ARNT: variants seen among roughly 807,000 people sequenced by gnomAD.
ARNT encodes aryl hydrocarbon receptor nuclear translocator, also known as class E basic helix-loop-helix protein 2.
Under a neutral mutation model 105.0 loss-of-function variants are expected in ARNT, and 30 were observed. The ratio of observed to expected loss-of-function variants is 0.29; its 90% confidence interval spans 0.21 to 0.39. The LOEUF (loss-of-function observed/expected upper bound fraction) is 0.39, where lower values mean the gene tolerates loss of function less well. Ranked by LOEUF, ARNT falls within the 10% of genes least tolerant of loss-of-function variation. The pLI is 1.00. For synonymous variants in ARNT, 304 were observed against 344.0 expected, an observed-to-expected ratio of 0.88 and a Z score of 1.29; for missense variants, 748 against 978.7, an observed-to-expected ratio of 0.76 and a Z score of 3.15.
At chr1:150,861,793 G>T (rs1465157115) in intron 1 of ARNT, among the ~76,000 whole-genome samples, 1 of 152,136 alleles carries the variant, frequency 6.6e-6, no homozygotes, top group Non-Finnish European at 1.5e-5. Flanking sequence ...TTCCATGTAG[G>T]GCTTTTCACC....
chr1:150,845,072 A>G (rs2102030348), intron 4 of ARNT, among the ~76,000 whole-genome samples: 1 of 152,124 alleles, frequency 6.6e-6, no homozygotes, highest in East Asian at 1.9e-4. Flanking sequence ...TGCCTCCCAA[A>G]GTGCTGGAAT....
rs1250729796 is a variant in ARNT at position 150,864,583 on chromosome 1, A to C, written c.26-6123T>G. Among the ~76,000 whole-genome samples the C allele has an allele frequency of 2.4e-4, 28 of 116,796 alleles. No homozygotes were observed. The South Asian group carries it at 6.3e-3, about 26-fold the overall frequency. 76.6% of individuals were successfully genotyped at this position (116,796 alleles called of 152,430 possible). On this transcript the variant is annotated intron_variant, in intron 1 of 21. Transcript: ENST00000358595. Reference sequence around the variant, plus strand: ...ACAATGAGATCACATGGACACAGGAAGGGGAATATCACACTCTGGGGACTG... The same window carrying C: ...ACAATGAGATCACATGGACACAGGACGGGGAATATCACACTCTGGGGACTG...
intron 6 of ARNT, among the ~76,000 whole-genome samples, chr1:150,839,061 C>G (rs1284332237): frequency 6.6e-6 from 1 of 152,162 alleles, no homozygotes; most frequent in Non-Finnish European, 1.5e-5. Flanking sequence ...CAGATTCATT[C>G]TATTACTAAA....
At position 150,813,047 on chromosome 1, in the gene ARNT, C is replaced by T. The variant is rs1020097693; in HGVS notation, c.2280+125G>A. The T allele has an allele frequency of 2.8e-6, 3 of 1,072,264 alleles. No homozygotes were observed. In the African/African-American group the frequency reaches 4.8e-5, roughly 17 times the overall value. 66.4% of individuals were successfully genotyped at this position (1,072,264 alleles called of 1,614,324 possible). A position where few individuals can be genotyped will look rare whatever the true frequency, so the allele number is the denominator to read the frequency against. Reference sequence around the variant, plus strand: ...CAGTGATCCCTACATTTATCCCTCTCTGTCTTCTCACATATACCCCCAACC... The same window carrying T: ...CAGTGATCCCTACATTTATCCCTCTTTGTCTTCTCACATATACCCCCAACC... On this transcript the variant is annotated intron_variant, in intron 21 of 21. Transcript: ENST00000358595.
chr1:150,871,223 G>A (rs1667367656), intron 1 of ARNT, among the ~76,000 whole-genome samples: 1 of 148,014 alleles, frequency 6.8e-6, no homozygotes, highest in South Asian at 2.1e-4. Context: ...GATAGGTGTT[G>A]TCATATTTCC....
At chr1:150,827,889 G>T (rs1179328075) in intron 12 of ARNT, among the ~76,000 whole-genome samples, 1 of 152,126 alleles carries the variant, frequency 6.6e-6, no homozygotes, top group Non-Finnish European at 1.5e-5. Flanking sequence ...ATCTCATTGT[G>T]ATTTTAATTT....
chr1:150,811,478 A>ACACG lies in ARNT; in HGVS notation c.*542_*543insCGTG. 1 of 233,222 alleles carries ACACG rather than the reference A, an allele frequency of 4.3e-6. No homozygotes were observed. The highest frequency in any genetic ancestry group is 6.0e-5 in the East Asian group (1 of 16,694). 14.4% of individuals were successfully genotyped at this position (233,222 alleles called of 1,614,324 possible). Reference sequence around the variant, plus strand: ...TGTGCGCACACACACACACACACACATACACACACACTCTCTCTCACTTAC... The same window carrying ACACG: ...TGTGCGCACACACACACACACACACACACGTACACACACACTCTCTCTCACTTAC... On this transcript the variant is annotated 3_prime_UTR_variant, in exon 22 of 22. Transcript: ENST00000358595.
At chr1:150,823,067 C>T in intron 14 of ARNT, 127 bp downstream of exon 14, 1 of 934,426 alleles carries the variant, frequency 1.1e-6, no homozygotes, top group Non-Finnish European at 1.5e-6. Flanking sequence ...CAGGCACATG[C>T]CACCACGCCC....
intron 1 of ARNT, among the ~76,000 whole-genome samples, chr1:150,869,931 G>C (rs1340095213): frequency 6.6e-6 from 1 of 152,072 alleles, no homozygotes; most frequent in African/African-American, 2.4e-5. Context: ...CCCCCAGGCT[G>C]CCTAATGTGG....
rs755726605 is a variant in ARNT at position 150,836,378 on chromosome 1, T to C, written c.602A>G (p.Gln201Arg). ...GAGTGTGCTGCCAAACCATTCAGAC[T>C]GTGGCTGGTTCAAAACAGGAGTCAC... Reference protein sequence around the residue: ...DSVTPVLNQPQSEWFGSTLYD... With the variant: ...DSVTPVLNQPRSEWFGSTLYD... Residue 201 changes from glutamine (Q) to arginine (R), a missense_variant, in exon 7 of 22, where the codon CAG becomes CGG. Coordinates refer to ENST00000358595, the MANE Select transcript of ARNT (RefSeq NM_001668.4). 14 of 1,614,056 alleles carry C rather than the reference T, an allele frequency of 8.7e-6. No homozygotes were observed. Among genetic ancestry groups the C allele is most frequent in the African/African-American group, 2.7e-5 (2 of 74,918 alleles).
chr1:150,827,640 GTA>G (rs1658544087), intron 12 of ARNT, among the ~76,000 whole-genome samples: 3 of 152,132 alleles, frequency 2.0e-5, no homozygotes, highest in Non-Finnish European at 4.4e-5. Context: ...TATGAACTGT[GTA>G]CAAATCTATG....
In ARNT at chr1:150,826,769, C is replaced by T. The variant is rs1383519050; in HGVS notation, c.1168-152G>A. 1.7e-5 allele frequency: 9 copies of T among 538,506 alleles called. No individual in the cohort carries two copies. The East Asian group carries it at 2.8e-4, about 17-fold the overall frequency. The allele number at this position is 538,506 out of a possible 1,614,324, so 33.4% of individuals were successfully genotyped here. A position where few individuals can be genotyped will look rare whatever the true frequency, so the allele number is the denominator to read the frequency against. On this transcript the variant is annotated intron_variant, in intron 12 of 21. Transcript: ENST00000358595. ...AAGCAATTTTCCTGTCTCAACCTCC[C>T]AAGTAGCTGGGATTACAGGGGTGTG...
At position 150,828,999 on chromosome 1, in the gene ARNT, T is replaced by C. The variant is rs113176319; in HGVS notation, c.1167+94A>G. ...GATGATCTCTTTTTCTTAACTGAGG[T>C]TGATATGTTTTGGCTGTCTTAGGAA... On this transcript the variant is annotated intron_variant, in intron 12 of 21. Coordinates refer to ENST00000358595, the MANE Select transcript of ARNT (RefSeq NM_001668.4). 4.1e-4 allele frequency: 578 copies of C among 1,411,948 alleles called. 2 individuals are homozygous for C. The Middle Eastern group carries it at 5.7e-3, about 14-fold the overall frequency. The allele number at this position is 1,411,948 out of a possible 1,614,324, so 87.5% of individuals were successfully genotyped here.
chr1:150,863,941 G>A (rs1194363082), intron 1 of ARNT, among the ~76,000 whole-genome samples: 1 of 152,158 alleles, frequency 6.6e-6, no homozygotes, highest in African/African-American at 2.4e-5. Flanking sequence ...TCTGAGAAAT[G>A]TGTCATTAGG....
At chr1:150,864,467 A>C (rs1666186853) in intron 1 of ARNT, among the ~76,000 whole-genome samples, 1 of 151,984 alleles carries the variant, frequency 6.6e-6, no homozygotes, top group Non-Finnish European at 1.5e-5. Flanking sequence ...TTGTAGGGAC[A>C]TGGACGAAAT....
intron 10 of ARNT, 158 bp downstream of exon 10, chr1:150,831,660 A>T: frequency 1.7e-6 from 1 of 573,592 alleles, no homozygotes; most frequent in Non-Finnish European, 3.0e-6. Context: ...AAAGCTCAAT[A>T]ATGGAAGGGA....
rs1656100709 is a variant in ARNT, at chr1:150,817,395, C to T, written c.1544G>A (p.Gly515Glu). ...QQQTELDMVPGRDGLASYNHS... is the reference protein window; with the variant it reads ...QQQTELDMVPERDGLASYNHS... Reference sequence around the variant, plus strand: ...ATTGTAGCTGGCCAGTCCATCTCTTCCTGGTACCATGTCCAATTCTGTTTG... The same window carrying T: ...ATTGTAGCTGGCCAGTCCATCTCTTTCTGGTACCATGTCCAATTCTGTTTG... The change falls in exon 16 of 22, where the codon GGA (glycine) becomes GAA (glutamate). Residue 515 changes from glycine (G) to glutamate (E), a missense_variant. Coordinates refer to ENST00000358595, the MANE Select transcript of ARNT (RefSeq NM_001668.4). The T allele has an allele frequency of 6.2e-7, 1 of 1,614,066 alleles. No individual in the cohort carries two copies. Among genetic ancestry groups the T allele is most frequent in the African/African-American group, 1.3e-5 (1 of 74,926 alleles).
At chr1:150,819,371 A>T (rs1291630773) in intron 14 of ARNT, among the ~76,000 whole-genome samples, 3 of 152,136 alleles carry the variant, frequency 2.0e-5, no homozygotes, top group Admixed American at 6.5e-5. Flanking sequence ...CAGCAATTCC[A>T]CTCCTGGGTG....
At chr1:150,822,870 A>G (rs1657397111) in intron 14 of ARNT, among the ~76,000 whole-genome samples, 1 of 152,152 alleles carries the variant, frequency 6.6e-6, no homozygotes, top group African/African-American at 2.4e-5. Context: ...ACTGAATTGA[A>G]TGGAAGGACA....
Sources: gnomAD v4.1 joint callset for allele counts (sites outside exome capture counted in the v4.1 genomes callset) on GRCh38, gnomAD v4.1.1 for gene constraint, MANE v1.5 for transcripts, NCBI Gene and HGNC (gene_info 2026-07-23, HGNC 2026-07-21) for gene names.